Variants in NELL1 observed in about 807,000 individuals in gnomAD.
NELL1 encodes the protein protein kinase C-binding protein NELL1.
NELL1 carries 76 observed loss-of-function variants against 107.4 expected under a neutral mutation model. The observed-to-expected ratio is 0.71, with a 90% CI of 0.59 to 0.86. The LOEUF is 0.86. Among genes scored for constraint, NELL1 ranks in the 40% least tolerant of loss-of-function variants. The probability of loss-of-function intolerance (pLI) is 0.00; values close to 1 mark genes in which losing one functional copy is unlikely to be tolerated. For missense variants in NELL1, 1,024 were observed against 1,005.5 expected (o/e 1.02, Z -0.25); for synonymous variants, 353 against 341.2 (o/e 1.03, Z -0.38).
chr11:20,841,203 G>GC (rs1848616431), intron 3 of NELL1, among the ~76,000 whole-genome samples: 1 of 152,048 alleles, frequency 6.6e-6, no homozygotes, highest in Non-Finnish European at 1.5e-5. Context: ...ACCATATGGT[G>GC]CCACCACCCA....
At chr11:21,049,139 A>G (rs1853428813) in intron 12 of NELL1, among the ~76,000 whole-genome samples, 1 of 152,180 alleles carries the variant, frequency 6.6e-6, no homozygotes, top group Non-Finnish European at 1.5e-5. Flanking sequence ...GGCAGACGCT[A>G]GTCATTGGAT....
At chr11:20,975,976 T>TGTACA (rs1851619836) in intron 12 of NELL1, among the ~76,000 whole-genome samples, 2 of 112,436 alleles carry the variant, frequency 1.8e-5, no homozygotes, top group African/African-American at 7.5e-5. Context: ...ATTATATATA[T>TGTACA]TATATCTGTA....
At chr11:21,342,979 A>G (rs1450907477) in intron 14 of NELL1, among the ~76,000 whole-genome samples, 1 of 152,026 alleles carries the variant, frequency 6.6e-6, no homozygotes, top group Non-Finnish European at 1.5e-5. Context: ...TTCTTTTAAT[A>G]CTGTTGAATG....
In NELL1 at chr11:20,669,695, C is replaced by T; in HGVS notation, c.-29C>T. Reference sequence around the variant, plus strand: ...ATTTGCTTCCACCTAGCTTCGGTGCCCCCTGCTAGGCGGGGACCCTCGAGA... The same window carrying T: ...ATTTGCTTCCACCTAGCTTCGGTGCTCCCTGCTAGGCGGGGACCCTCGAGA... On this transcript the variant is annotated 5_prime_UTR_variant, in exon 1 of 20. Transcript: ENST00000357134. The surrounding 1 kb of genome is among the most constrained non-coding windows in gnomAD (Gnocchi z 4.4). 1.2e-6 allele frequency: 2 copies of T among 1,606,774 alleles called. No individual in the cohort carries two copies. Among genetic ancestry groups the T allele is most frequent in the Non-Finnish European group, 1.7e-6 (2 of 1,173,770 alleles).
chr11:20,863,946 A>G (rs1304001869), intron 4 of NELL1, among the ~76,000 whole-genome samples: 1 of 152,146 alleles, frequency 6.6e-6, no homozygotes, highest in Non-Finnish European at 1.5e-5. Context: ...TCTCCACCAA[A>G]AAAATACGAA....
intron 12 of NELL1, among the ~76,000 whole-genome samples, chr11:20,983,242 A>T (rs1181913253): frequency 3.3e-5 from 5 of 152,114 alleles, no homozygotes; most frequent in Non-Finnish European, 5.9e-5. Flanking sequence ...TCACTCTGGA[A>T]TTTGTGCCAC....
At position 20,924,388 on chromosome 11, in the gene NELL1, A is replaced by G. The variant is rs377020971; in HGVS notation, c.760-2920A>G. 6.0e-4 allele frequency among the ~76,000 whole-genome samples: 92 copies of G among 152,310 alleles called. 1 individual carries two copies. Among genetic ancestry groups the G allele is most frequent in the African/African-American group, 2.0e-3 (84 of 41,576 alleles). ...CAATAGGACTTCTCAATGTTGTCAG[A>G]AAAGGCTACAAATATTAAAAATAAA... On this transcript the variant is annotated intron_variant, in intron 7 of 19. Coordinates refer to ENST00000357134, the MANE Select transcript of NELL1 (RefSeq NM_006157.5).
chr11:20,877,583 A>G (rs369351966), intron 4 of NELL1, among the ~76,000 whole-genome samples: 4 of 152,320 alleles, frequency 2.6e-5, no homozygotes, highest in South Asian at 2.1e-4. Flanking sequence ...CAGACAATAC[A>G]CTTGTTAGGG....
chr11:21,271,850 A>G (rs1848746262), intron 14 of NELL1, among the ~76,000 whole-genome samples: 3 of 152,240 alleles, frequency 2.0e-5, no homozygotes, highest in Non-Finnish European at 4.4e-5. Context: ...TGATGTGTTC[A>G]GCACATCAAA....
Position 21,501,152 on chromosome 11 carries a change from T to C in NELL1, c.1646-33222T>C, listed in dbSNP as rs1227689318. Reference sequence around the variant, plus strand: ...CTACAGGTCTTTAAATGTGTCTGTATGTGTGTATGCGCCCCTAACCATGTT... The same window carrying C: ...CTACAGGTCTTTAAATGTGTCTGTACGTGTGTATGCGCCCCTAACCATGTT... On this transcript the variant is annotated intron_variant, in intron 15 of 19. Transcript: ENST00000357134. 4.6e-5 allele frequency among the ~76,000 whole-genome samples: 7 copies of C among 152,294 alleles called. No homozygotes were observed. The South Asian group carries it at 8.3e-4, about 18-fold the overall frequency.
chr11:21,462,158 C>A (rs1445462930), intron 15 of NELL1, among the ~76,000 whole-genome samples: 1 of 151,946 alleles, frequency 6.6e-6, no homozygotes, highest in Non-Finnish European at 1.5e-5. Context: ...TAAATCAAGA[C>A]ATGGAAATCT....
chr11:21,056,034 C>A (rs187324274), intron 12 of NELL1, among the ~76,000 whole-genome samples: 1 of 152,234 alleles, frequency 6.6e-6, no homozygotes, highest in East Asian at 1.9e-4. Flanking sequence ...GGGCCAGACA[C>A]TCATCATGGA....
At chr11:21,299,071 CA>C in intron 14 of NELL1, among the ~76,000 whole-genome samples, 1 of 151,920 alleles carries the variant, frequency 6.6e-6, no homozygotes. Context: ...GCTTAAAATT[CA>C]CAGGAGGAGG....
At chr11:21,337,783 TC>T (rs1439174386) in intron 14 of NELL1, among the ~76,000 whole-genome samples, 1 of 146,062 alleles carries the variant, frequency 6.8e-6, no homozygotes, top group African/African-American at 2.6e-5. Flanking sequence ...TTTCTTTCTT[TC>T]TTTCTTTCTT....
chr11:21,290,021 C>A (rs1317501740), intron 14 of NELL1, among the ~76,000 whole-genome samples: 3 of 152,160 alleles, frequency 2.0e-5, no homozygotes, highest in Non-Finnish European at 4.4e-5. Context: ...ATTCCCATCT[C>A]CCTCGGACAT....
At chr11:21,099,831 C>A (rs1028367337) in intron 12 of NELL1, among the ~76,000 whole-genome samples, 2 of 152,046 alleles carry the variant, frequency 1.3e-5, no homozygotes, top group East Asian at 3.9e-4. Context: ...GTTTTCTTGT[C>A]CTCTGAGTGA....
chr11:21,058,749 T>C (rs1234708621), intron 12 of NELL1, among the ~76,000 whole-genome samples: 1 of 152,178 alleles, frequency 6.6e-6, no homozygotes, highest in Non-Finnish European at 1.5e-5. Flanking sequence ...TAAACAGGGC[T>C]TTAGCACTCT....
chr11:20,882,243 C>T (rs898918652), intron 4 of NELL1, among the ~76,000 whole-genome samples: 2 of 152,152 alleles, frequency 1.3e-5, no homozygotes, highest in Admixed American at 6.5e-5. Flanking sequence ...TAGTCTGTGC[C>T]GTGCACATTT....
intron 2 of NELL1, among the ~76,000 whole-genome samples, chr11:20,693,671 G>A (rs1051227120): frequency 6.6e-6 from 1 of 152,028 alleles, no homozygotes; most frequent in African/African-American, 2.4e-5. Context: ...AGTCTGATGG[G>A]CTTCCCTTTG....
Sources: gnomAD v4.1 joint callset for allele counts (sites outside exome capture counted in the v4.1 genomes callset) on GRCh38, gnomAD v4.1.1 for gene constraint, Gnocchi (gnomAD v3.1) non-coding constraint, MANE v1.5 for transcripts, NCBI Gene and HGNC (gene_info 2026-07-23, HGNC 2026-07-21) for gene names.